The following CDKN2B-AS1 variants were observed in gnomAD, a reference collection of about 807,000 sequenced individuals.
The protein encoded by CDKN2B-AS1 is CDKN2B antisense RNA 1 (non-protein coding).
chr9:22,115,582 T>C (rs1825928198), intron 4 of CDKN2B-AS1, among the ~76,000 whole-genome samples: 2 of 152,192 alleles, frequency 1.3e-5, no homozygotes, highest in Non-Finnish European at 2.9e-5. Context: ...TTCACTCTGC[T>C]TCACTTAAGC....
chr9:22,007,623 T>C lies in CDKN2B-AS1; in HGVS notation n.29+12462T>C, dbSNP rs553996609. Among the ~76,000 whole-genome samples the C allele has an allele frequency of 1.1e-4, 16 of 152,288 alleles. No individual in the cohort carries two copies. The South Asian group carries it at 2.7e-3, about 26-fold the overall frequency. ...ATTTAATTGAAAGGCAGTATACTTC[T>C]CATGTTTTGTTGGCTTGTTTCATTA... On this transcript the variant is annotated intron_variant and non_coding_transcript_variant, in intron 1 of 4. Transcript: ENST00000650946.
At chr9:22,081,275 C>CT (rs36049201) in intron 4 of CDKN2B-AS1, among the ~76,000 whole-genome samples, 2,330 of 124,474 alleles carry the variant, frequency 0.019, 31 homozygotes, top group African/African-American at 0.028. Flanking sequence ...TGTTCTTTAG[C>CT]TTTTTTTTTT....
chr9:22,025,982 C>T (rs1822220294), intron 1 of CDKN2B-AS1, among the ~76,000 whole-genome samples: 1 of 151,960 alleles, frequency 6.6e-6, no homozygotes, highest in Admixed American at 6.6e-5. Context: ...GGACAAAGGT[C>T]CCATGGAAGT....
intron 4 of CDKN2B-AS1, among the ~76,000 whole-genome samples, chr9:22,107,113 G>A (rs908607337): frequency 6.6e-6 from 1 of 152,206 alleles, no homozygotes; most frequent in African/African-American, 2.4e-5. Context: ...TCAGATGCTG[G>A]CAGCAGGGAG....
chr9:22,096,879 C>A (rs1825294669), intron 4 of CDKN2B-AS1, among the ~76,000 whole-genome samples: 3 of 152,154 alleles, frequency 2.0e-5, no homozygotes, highest in Admixed American at 2.0e-4. Flanking sequence ...GCCTTCGTAA[C>A]CCTCCCCACC....
intron 1 of CDKN2B-AS1, chr9:22,046,376 A>G (rs572198540): frequency 6.6e-6 from 1 of 152,278 alleles, no homozygotes; most frequent in Non-Finnish European, 1.5e-5. Flanking sequence ...GACCACATCA[A>G]TGATGAAGCC....
At chr9:22,033,162 G>A (rs1050858469) in intron 1 of CDKN2B-AS1, among the ~76,000 whole-genome samples, 2 of 152,058 alleles carry the variant, frequency 1.3e-5, no homozygotes, top group African/African-American at 4.8e-5. Context: ...TCAACCCAGA[G>A]CACCCCCCAC....
At chr9:22,085,472 G>T (rs1326011273) in intron 4 of CDKN2B-AS1, among the ~76,000 whole-genome samples, 2 of 152,166 alleles carry the variant, frequency 1.3e-5, no homozygotes, top group African/African-American at 4.8e-5. Context: ...GTAATTCCCA[G>T]CACTTTGGGA....
intron 2 of CDKN2B-AS1, among the ~76,000 whole-genome samples, chr9:22,048,392 C>T (rs7027950): frequency 0.5 from 76,054 of 151,912 alleles, 19,598 homozygotes; most frequent in East Asian, 0.7. Context: ...AAACTTTTTG[C>T]TCTTCTCTTT....
chr9:22,037,261 TG>T (rs1482131553), intron 1 of CDKN2B-AS1, among the ~76,000 whole-genome samples: 1 of 151,840 alleles, frequency 6.6e-6, no homozygotes, highest in Non-Finnish European at 1.5e-5. Flanking sequence ...AGAAGAAAAA[TG>T]GGGTTTAAAG....
At chr9:22,122,079 T>A (rs1277157457) in intron 4 of CDKN2B-AS1, among the ~76,000 whole-genome samples, 1 of 151,348 alleles carries the variant, frequency 6.6e-6, no homozygotes, top group Non-Finnish European at 1.5e-5. Flanking sequence ...TTTTTGTCTC[T>A]TTGACAATAG....
At chr9:22,020,638 G>A (rs1399223338) in intron 1 of CDKN2B-AS1, among the ~76,000 whole-genome samples, 1 of 152,126 alleles carries the variant, frequency 6.6e-6, no homozygotes, top group African/African-American at 2.4e-5. Context: ...CAGTGATGTT[G>A]AGCTTTTCTT....
At position 22,003,750 on chromosome 9, in the gene CDKN2B-AS1, T is replaced by TG. The variant is rs58215444; in HGVS notation, n.29+8597dup. The stretch of plus-strand genomic sequence containing the variant: ...AAAATTTGGGTTTTTATAGGTGTGT[T>TG]GGGGGGGGTTATTCTCCATATTGTT... On this transcript the variant is annotated intron_variant and non_coding_transcript_variant, in intron 1 of 4. Coordinates refer to ENST00000650946, the Ensembl canonical transcript of CDKN2B-AS1. The TG allele has an allele frequency of 2.4e-3, 562 of 231,080 alleles. 2 individuals carry two copies. The highest frequency in any genetic ancestry group is 9.2e-3 in the African/African-American group (415 of 45,220). The allele number at this position is 231,080 out of a possible 1,614,324, so 14.3% of individuals were successfully genotyped here.
At chr9:22,070,048 T>G (rs1403968863) in intron 4 of CDKN2B-AS1, among the ~76,000 whole-genome samples, 3 of 152,142 alleles carry the variant, frequency 2.0e-5, no homozygotes, top group African/African-American at 2.4e-5. Context: ...ACTCATTTTA[T>G]GAAAACCAAA....
chr9:22,061,781 G>T (rs1823831396), intron 4 of CDKN2B-AS1, among the ~76,000 whole-genome samples: 1 of 151,998 alleles, frequency 6.6e-6, no homozygotes, highest in Non-Finnish European at 1.5e-5. Context: ...TTACAAAAGG[G>T]GGGAGGGAAT....
chr9:22,012,176 C>G, intron 1 of CDKN2B-AS1: 3 of 1,374,642 alleles, frequency 2.2e-6, no homozygotes, highest in Admixed American at 1.7e-5. Context: ...TGTGAAGACC[C>G]TCACGGGCAA....
intron 4 of CDKN2B-AS1, among the ~76,000 whole-genome samples, chr9:22,059,850 G>C (rs889159921): frequency 6.6e-6 from 1 of 152,230 alleles, no homozygotes; most frequent in Admixed American, 6.5e-5. Context: ...TCAACACCAC[G>C]TGGAAGCTGC....
chr9:22,029,025 AG>A (rs1216104510), intron 1 of CDKN2B-AS1, among the ~76,000 whole-genome samples: 1 of 151,024 alleles, frequency 6.6e-6, no homozygotes, highest in East Asian at 2.0e-4. Context: ...GACATCAAAA[AG>A]AATGATGATG....
chr9:22,092,885 T>C (rs550702749), intron 4 of CDKN2B-AS1, among the ~76,000 whole-genome samples: 3 of 152,190 alleles, frequency 2.0e-5, no homozygotes, highest in Non-Finnish European at 4.4e-5. Context: ...CTGTTTGCTC[T>C]TGCTTCTATA....
Sources: gnomAD v4.1 joint callset for allele counts (sites outside exome capture counted in the v4.1 genomes callset) on GRCh38, gnomAD v4.1.1 for gene constraint, MANE v1.5 for transcripts, NCBI Gene and HGNC (gene_info 2026-07-23, HGNC 2026-07-21) for gene names.